Variants in KAZN observed in about 807,000 individuals in gnomAD.
KAZN encodes the protein kazrin, periplakin interacting protein, also known as kazrin.
KAZN carries 40 observed loss-of-function variants against 87.4 expected under a neutral mutation model. That is an observed-to-expected ratio of 0.46 (90% confidence interval 0.36 to 0.60). The LOEUF (loss-of-function observed/expected upper bound fraction) is 0.60. Among genes scored for constraint, KAZN ranks in the 20% least tolerant of loss-of-function variants. The pLI is 0.00. For synonymous variants in KAZN, 466 were observed against 458.3 expected, an observed-to-expected ratio of 1.02 and a Z score of -0.22; for missense variants, 898 against 1,073.9, an observed-to-expected ratio of 0.84 and a Z score of 2.29.
At chr1:14,394,794 T>C (rs558791316) in intron 2 of KAZN, among the ~76,000 whole-genome samples, 2 of 152,350 alleles carry the variant, frequency 1.3e-5, no homozygotes, top group African/African-American at 4.8e-5. Flanking sequence ...AAGAACTCTG[T>C]GAGGTGGGTA....
At chr1:14,816,741 TATAG>T (rs1234658768) in intron 1 of KAZN, among the ~76,000 whole-genome samples, 1 of 152,130 alleles carries the variant, frequency 6.6e-6, no homozygotes, top group African/African-American at 2.4e-5. Context: ...GATAGATAAA[TATAG>T]ATAGATTATA....
At chr1:15,046,545 G>A (rs1487686980) in intron 4 of KAZN, among the ~76,000 whole-genome samples, 1 of 152,178 alleles carries the variant, frequency 6.6e-6, no homozygotes, top group Admixed American at 6.5e-5. Flanking sequence ...GCTTTGTGGG[G>A]CTCTTGTGAG....
intron 2 of KAZN, among the ~76,000 whole-genome samples, chr1:14,576,291 AGGAT>A (rs71587761): frequency 0.066 from 8,220 of 125,408 alleles, 257 homozygotes; most frequent in African/African-American, 0.098. Context: ...GAAGGATGGA[AGGAT>A]GGATGGATGG....
intron 1 of KAZN, among the ~76,000 whole-genome samples, chr1:14,714,712 A>AAG (rs1339619354): frequency 1.3e-5 from 2 of 152,054 alleles, no homozygotes; most frequent in African/African-American, 4.8e-5. Context: ...TCCTGTGAGG[A>AAG]AGAGAGAGAT....
At chr1:14,280,139 G>C (rs1652730167) in intron 2 of KAZN, among the ~76,000 whole-genome samples, 1 of 151,936 alleles carries the variant, frequency 6.6e-6, no homozygotes, top group Admixed American at 6.6e-5. Flanking sequence ...GAGGTGGGTG[G>C]ATCACAAGGT....
chr1:14,836,583 C>T (rs1279929993), intron 1 of KAZN, among the ~76,000 whole-genome samples: 1 of 152,146 alleles, frequency 6.6e-6, no homozygotes, highest in Non-Finnish European at 1.5e-5. Flanking sequence ...TCTTTCCAGA[C>T]CCACTTTGGT....
chr1:14,778,827 G>C (rs547777120), intron 1 of KAZN, among the ~76,000 whole-genome samples: 1 of 152,292 alleles, frequency 6.6e-6, no homozygotes, highest in Admixed American at 6.5e-5. Flanking sequence ...TGGTAAAGCT[G>C]GGCTGGGTTT....
At position 14,227,591 on chromosome 1, in the gene KAZN, G is replaced by A. The variant is rs974357871; in HGVS notation, c.249+46999G>A. On this transcript the variant is annotated intron_variant, in intron 2 of 16. Coordinates refer to the KAZN transcript ENST00000636203. ...AAGCTGCAAGATCTTTCATGACTTA[G>A]CCTCCAAAGTCACCAGTATCACTCT... Among the ~76,000 whole-genome samples the A allele has an allele frequency of 6.6e-5, 10 of 152,192 alleles. No homozygotes were observed. The East Asian group carries it at 1.2e-3, about 18-fold the overall frequency.
At chr1:14,803,468 C>T (rs574163163) in intron 1 of KAZN, among the ~76,000 whole-genome samples, 1 of 152,364 alleles carries the variant, frequency 6.6e-6, no homozygotes, top group East Asian at 1.9e-4. Context: ...TGCCATCCTC[C>T]TTCTGACCCT....
At chr1:14,140,973 C>CT (rs1159250275) in intron 1 of KAZN, among the ~76,000 whole-genome samples, 5 of 152,132 alleles carry the variant, frequency 3.3e-5, no homozygotes, top group Non-Finnish European at 7.4e-5. Flanking sequence ...GTGAACAACG[C>CT]TCCGCTCAGA....
At chr1:14,335,118 CCA>C (rs1657152901) in intron 2 of KAZN, among the ~76,000 whole-genome samples, 1 of 147,420 alleles carries the variant, frequency 6.8e-6, no homozygotes, top group Non-Finnish European at 1.5e-5. Context: ...CCCCCCCCCA[CCA>C]CCCCAGTGGT....
intron 1 of KAZN, among the ~76,000 whole-genome samples, chr1:14,160,478 G>C (rs1490514403): frequency 6.6e-6 from 1 of 152,198 alleles, no homozygotes; most frequent in Non-Finnish European, 1.5e-5. Flanking sequence ...GCTTGGGAGA[G>C]GAGTGATGTC....
intron 1 of KAZN, among the ~76,000 whole-genome samples, chr1:14,022,953 C>T (rs898385449): frequency 6.6e-6 from 1 of 152,062 alleles, no homozygotes; most frequent in Admixed American, 6.6e-5. Flanking sequence ...TGATTGTTCC[C>T]TTATAAATGG....
chr1:14,166,065 A>C (rs1645818989), intron 1 of KAZN, among the ~76,000 whole-genome samples: 1 of 152,234 alleles, frequency 6.6e-6, no homozygotes, highest in Non-Finnish European at 1.5e-5. Context: ...CTATAATCCC[A>C]GCACTTCGGG....
At chr1:15,001,272 G>A (rs1444014127) in intron 2 of KAZN, among the ~76,000 whole-genome samples, 1 of 149,184 alleles carries the variant, frequency 6.7e-6, no homozygotes, top group East Asian at 2.0e-4. Flanking sequence ...GACCAGCCTG[G>A]CCAACAGGGC....
chr1:14,933,849 C>CTT (rs59580896), intron 1 of KAZN, among the ~76,000 whole-genome samples: 1 of 141,256 alleles, frequency 7.1e-6, no homozygotes, highest in Admixed American at 7.1e-5. Flanking sequence ...GCTTTTTTTT[C>CTT]TTTTTTTTTT....
intron 4 of KAZN, among the ~76,000 whole-genome samples, chr1:15,054,186 G>T (rs1674695617): frequency 6.6e-6 from 1 of 151,986 alleles, no homozygotes; most frequent in South Asian, 2.1e-4. Flanking sequence ...GAGATTAGAT[G>T]GATTTTTTTG....
intron 2 of KAZN, among the ~76,000 whole-genome samples, chr1:14,978,062 G>T (rs1403571694): frequency 6.6e-6 from 1 of 151,848 alleles, no homozygotes; most frequent in Non-Finnish European, 1.5e-5. Flanking sequence ...CCTGCTATGG[G>T]GTCCATATAT....
At chr1:14,563,784 C>A (rs1233019096) in intron 2 of KAZN, among the ~76,000 whole-genome samples, 1 of 151,740 alleles carries the variant, frequency 6.6e-6, no homozygotes, top group Non-Finnish European at 1.5e-5. Flanking sequence ...CAAATGGTCT[C>A]CTTGTCTTTA....
Sources: allele counts gnomAD v4.1 joint callset (sites outside exome capture counted in the v4.1 genomes callset), GRCh38; gene constraint gnomAD v4.1.1; transcripts MANE v1.5; gene names NCBI Gene and HGNC (gene_info 2026-07-23, HGNC 2026-07-21).